CENATAC: variants seen among roughly 807,000 people sequenced by gnomAD.
CENATAC encodes the protein coiled-coil domain containing 84.
In CENATAC, 53 loss-of-function variants were observed where a neutral mutation model predicts 53.7. The observed-to-expected ratio is 0.99, with a 90% CI of 0.79 to 1.24. The LOEUF (loss-of-function observed/expected upper bound fraction) is 1.24. Ranked by LOEUF, CENATAC falls within the 50% of genes most tolerant of loss-of-function variation. The pLI is 0.00. For missense variants in CENATAC, 474 were observed against 417.8 expected (o/e 1.13, Z -1.17); for synonymous variants, 156 against 144.6 (o/e 1.08, Z -0.57).
chr11:119,006,965 C>A (rs73559112), intron 3 of CENATAC, among the ~76,000 whole-genome samples: 5 of 152,184 alleles, frequency 3.3e-5, no homozygotes, highest in Non-Finnish European at 7.3e-5. Flanking sequence ...TAAGGCCTCC[C>A]CGGCCACATG....
At chr11:119,003,585 A>ATCGTGC in intron 3 of CENATAC, 1 of 221,766 alleles carries the variant, frequency 4.5e-6, no homozygotes, top group Non-Finnish European at 9.0e-6. Context: ...GGCGTGAGCC[A>ATCGTGC]CTGCACCCGG....
rs1942896697 is a variant in CENATAC at position 119,012,134 on chromosome 11, G to A, written c.579-15G>A. 1 of 1,614,114 alleles carries A rather than the reference G, an allele frequency of 6.2e-7. No homozygotes were observed. The highest frequency in any genetic ancestry group is 8.5e-7 in the Non-Finnish European group (1 of 1,180,004). On this transcript the variant is annotated splice_polypyrimidine_tract_variant and intron_variant, in intron 6 of 10. Coordinates refer to ENST00000334418, the MANE Select transcript of CENATAC (RefSeq NM_198489.3). ...CTCAAGGACCTCATCTGGCAGCCTGGCTCATGTTTTTCAGCCAAGTAGCTT... is the reference window on the plus strand; with the variant it reads ...CTCAAGGACCTCATCTGGCAGCCTGACTCATGTTTTTCAGCCAAGTAGCTT...
intron 3 of CENATAC, among the ~76,000 whole-genome samples, chr11:119,007,533 A>G (rs1282853601): frequency 6.6e-6 from 1 of 152,062 alleles, no homozygotes; most frequent in Non-Finnish European, 1.5e-5. Context: ...TCTGTTGTCC[A>G]AGCTGGAGTG....
intron 3 of CENATAC, among the ~76,000 whole-genome samples, chr11:119,002,140 C>T (rs1002630054): frequency 1.4e-5 from 2 of 146,478 alleles, no homozygotes; most frequent in Non-Finnish European, 3.0e-5. Context: ...AGGAAAATCG[C>T]TTGAGCCCAG....
Position 119,008,443 on chromosome 11 carries a change from T to G in CENATAC, c.384-2321T>G, listed in dbSNP as rs147822941. On this transcript the variant is annotated intron_variant, in intron 3 of 10. Transcript: ENST00000334418. ...TGGACGTGCACGTAGGCCAGACTTA[T>G]GTTTCTCTCCACCCAAACATCTCAG... Among the ~76,000 whole-genome samples the G allele has an allele frequency of 4.1e-3, 624 of 152,330 alleles. 6 individuals carry two copies. Among genetic ancestry groups the G allele is most frequent in the African/African-American group, 0.014 (592 of 41,572 alleles).
At position 119,011,951 on chromosome 11, in the gene CENATAC, C is replaced by G. The variant is rs782479215; in HGVS notation, c.526C>G (p.Pro176Ala). The stretch of plus-strand genomic sequence containing the variant: ...GAATCAAACTCAGCCTCAGGCAGTG[C>G]CAGACCCAGAAGAGGGCTCTTCAGC... ...VRSVLEPQAV[P>A]DPEEGSSAPR... Residue 176 changes from proline (P) to alanine (A), a missense_variant, in exon 6 of 11, where the codon CCA (proline) becomes GCA (alanine). Physicochemically the swap from Pro to Ala is conservative, Grantham distance 27 (BLOSUM62 -1). Transcript: ENST00000334418. 2.4e-5 allele frequency: 39 copies of G among 1,614,030 alleles called. No homozygotes were observed. The highest frequency in any genetic ancestry group is 3.2e-5 in the Non-Finnish European group (38 of 1,179,942).
chr11:119,007,434 G>A (rs988543196), intron 3 of CENATAC, among the ~76,000 whole-genome samples: 5 of 152,046 alleles, frequency 3.3e-5, no homozygotes, highest in African/African-American at 9.6e-5. Context: ...CGCCCACCTC[G>A]GCCTCCCAAA....
At chr11:119,008,462 A>C (rs1055151728) in intron 3 of CENATAC, among the ~76,000 whole-genome samples, 1 of 152,188 alleles carries the variant, frequency 6.6e-6, no homozygotes, top group South Asian at 2.1e-4. Flanking sequence ...CCACCCAAAC[A>C]TCTCAGTGGA....
At chr11:119,010,887 G>C in intron 4 of CENATAC, 57 bp downstream of exon 4, 1 of 1,520,586 alleles carries the variant, frequency 6.6e-7, no homozygotes, top group Non-Finnish European at 9.1e-7. Flanking sequence ...TTTCGTGGAA[G>C]ACGGTTTTTC....
chr11:119,015,252 C>T (rs1012754265), intron 9 of CENATAC, 55 bp from the exon 10 acceptor site: 85 of 1,531,620 alleles, frequency 5.5e-5, no homozygotes, highest in Admixed American at 2.5e-4. Flanking sequence ...ATAGTGAGAC[C>T]CCATCTCTAT....
At chr11:119,014,277 C>T (rs1014782287) in intron 8 of CENATAC, 3 of 152,256 alleles carry the variant, frequency 2.0e-5, no homozygotes, top group African/African-American at 7.2e-5. Context: ...ACGTACGACA[C>T]AGATGAATCT....
chr11:118,999,153 T>G, intron 3 of CENATAC, 44 bp downstream of exon 3: 1 of 1,438,900 alleles, frequency 6.9e-7, no homozygotes, highest in Non-Finnish European at 9.8e-7. Context: ...GTGAATTCTC[T>G]GGATCTTTGT....
At chr11:119,000,907 A>G (rs959256341) in intron 3 of CENATAC, among the ~76,000 whole-genome samples, 2 of 151,700 alleles carry the variant, frequency 1.3e-5, no homozygotes, top group Admixed American at 6.6e-5. Context: ...TTTTTTCCAC[A>G]TAGATTTTGT....
intron 2 of CENATAC, 141 bp downstream of exon 2, chr11:118,998,734 T>C: frequency 8.3e-7 from 1 of 1,206,866 alleles, no homozygotes; most frequent in Non-Finnish European, 1.1e-6. Flanking sequence ...TTGCCAGCCT[T>C]GTTAGGGTAG....
rs782389024 is a variant in CENATAC, at chr11:119,013,181, T to C, written c.685-51T>C. 2.1e-6 allele frequency: 3 copies of C among 1,418,746 alleles called. No homozygotes were observed. The South Asian group carries it at 3.7e-5, about 18-fold the overall frequency. The allele number at this position is 1,418,746 out of a possible 1,614,324, so 87.9% of individuals were successfully genotyped here. On this transcript the variant is annotated intron_variant, in intron 7 of 10. Coordinates refer to ENST00000334418, the MANE Select transcript of CENATAC (RefSeq NM_198489.3). ...CTATCGTTTCTAGGATTTTTTTTTTTAATCATGCCTAGACTTTAACTAGCA... is the reference window on the plus strand; with the variant it reads ...CTATCGTTTCTAGGATTTTTTTTTTCAATCATGCCTAGACTTTAACTAGCA...
intron 3 of CENATAC, among the ~76,000 whole-genome samples, chr11:119,002,511 G>A (rs573294447): frequency 3.0e-4 from 45 of 151,508 alleles, no homozygotes; most frequent in African/African-American, 1.1e-3. Context: ...ACTAATTTTT[G>A]TATTTTAGTA....
At position 119,010,771 on chromosome 11, in the gene CENATAC, A is replaced by G. The variant is rs199859594; in HGVS notation, c.391A>G (p.Lys131Glu). ...TGCCCCTTTTCTTTTTAGATTCAAGAAATCCATGGTGAAAGGTTTGGATTC... is the reference window on the plus strand; with the variant it reads ...TGCCCCTTTTCTTTTTAGATTCAAGGAATCCATGGTGAAAGGTTTGGATTC... Reference protein sequence around the residue: ...VTPQDYARFKKSMVKGLDSYE... With the variant: ...VTPQDYARFKESMVKGLDSYE... Residue 131 changes from lysine to glutamate, a missense_variant, in exon 4 of 11, where the codon AAA (lysine) becomes GAA (glutamate). Transcript: ENST00000334418. 86 of 1,614,078 alleles carry G rather than the reference A, an allele frequency of 5.3e-5. No individual in the cohort carries two copies. Among genetic ancestry groups the G allele is most frequent in the Middle Eastern group, 4.9e-4 (3 of 6,082 alleles).
At chr11:119,012,901 T>C (rs1469234941) in intron 7 of CENATAC, 2 of 263,322 alleles carry the variant, frequency 7.6e-6, no homozygotes, top group African/African-American at 4.4e-5. Context: ...CCATGTAAAG[T>C]TGCAAATGTA....
At chr11:119,008,133 G>T (rs1475092962) in intron 3 of CENATAC, among the ~76,000 whole-genome samples, 1 of 152,078 alleles carries the variant, frequency 6.6e-6, no homozygotes. Flanking sequence ...CACACCTGTG[G>T]GTATTTCTAG....
Sources: allele counts gnomAD v4.1 joint callset (sites outside exome capture counted in the v4.1 genomes callset), GRCh38; gene constraint gnomAD v4.1.1; transcripts MANE v1.5; gene names NCBI Gene and HGNC (gene_info 2026-07-23, HGNC 2026-07-21).